Variants in STAG1 observed in about 807,000 individuals in gnomAD.
STAG1 encodes STAG1 cohesin complex component.
In STAG1, 26 loss-of-function variants were observed where a neutral mutation model predicts 170.9. That is an observed-to-expected ratio of 0.15 (90% CI 0.11 to 0.21). The LOEUF (loss-of-function observed/expected upper bound fraction) is 0.21. STAG1 is among the 10% of genes least tolerant of loss of function. The probability of loss-of-function intolerance (pLI) is 1.00; values close to 1 mark genes in which losing one functional copy is unlikely to be tolerated. For synonymous variants in STAG1, 514 were observed against 497.7 expected (o/e 1.03, Z -0.44); for missense variants, 964 against 1,509.5 (o/e 0.64, Z 5.99).
chr3:136,383,071 C>G (rs1055279574), intron 22 of STAG1, among the ~76,000 whole-genome samples: 1 of 152,046 alleles, frequency 6.6e-6, no homozygotes, highest in African/African-American at 2.4e-5. Context: ...TTATGATTCC[C>G]AAGACTGTGA....
intron 1 of STAG1, among the ~76,000 whole-genome samples, chr3:136,724,600 T>TA (rs58430366): frequency 0.43 from 44,749 of 104,538 alleles, 7,859 homozygotes; most frequent in African/African-American, 0.55. Flanking sequence ...GAATGATCAA[T>TA]AAAAAAAAAA....
intron 5 of STAG1, among the ~76,000 whole-genome samples, chr3:136,556,649 C>A (rs943503429): frequency 6.6e-6 from 1 of 151,872 alleles, no homozygotes; most frequent in Non-Finnish European, 1.5e-5. Context: ...ATGGTGTGAC[C>A]ACAGTTCACT....
rs929297118 is a variant in STAG1 at position 136,337,465 on chromosome 3, A to G, written c.*789T>C. The G allele has an allele frequency of 8.5e-5, 13 of 152,666 alleles. No individual in the cohort carries two copies. Among genetic ancestry groups the G allele is most frequent in the Non-Finnish European group, 8.8e-5 (6 of 68,044 alleles). The allele number at this position is 152,666 out of a possible 1,614,324, so 9.5% of individuals were successfully genotyped here. On this transcript the variant is annotated 3_prime_UTR_variant, in exon 34 of 34. Coordinates refer to ENST00000383202, the MANE Select transcript of STAG1 (RefSeq NM_005862.3). ...CTAAAAATGCACAGAACAAATACCAATAGAAAATGCACTGTATTTGAATCT... is the reference window on the plus strand; with the variant it reads ...CTAAAAATGCACAGAACAAATACCAGTAGAAAATGCACTGTATTTGAATCT...
At chr3:136,352,704 G>GT (rs1480517351) in intron 28 of STAG1, among the ~76,000 whole-genome samples, 4 of 151,966 alleles carry the variant, frequency 2.6e-5, no homozygotes, top group Non-Finnish European at 4.4e-5. Flanking sequence ...TGTACTTTCA[G>GT]TATAGTATTA....
chr3:136,466,083 A>G (rs1370717725), intron 12 of STAG1, among the ~76,000 whole-genome samples: 2 of 152,208 alleles, frequency 1.3e-5, no homozygotes, highest in Non-Finnish European at 2.9e-5. Context: ...GAAAATTCTA[A>G]AAATCAGATC....
At chr3:136,668,743 G>C (rs1348442664) in intron 1 of STAG1, among the ~76,000 whole-genome samples, 2 of 152,114 alleles carry the variant, frequency 1.3e-5, no homozygotes, top group African/African-American at 4.8e-5. Flanking sequence ...TCAGTCACTG[G>C]GAGGGAGCTG....
chr3:136,422,502 T>C lies in STAG1; in HGVS notation c.1945A>G (p.Thr649Ala). 6.2e-7 allele frequency: 1 copy of C among 1,614,082 alleles called. No individual in the cohort carries two copies. Among genetic ancestry groups the C allele is most frequent in the South Asian group, 1.1e-5 (1 of 91,076 alleles). ...GCTATGTCAACTCTGTTCTGGATGG[T>C]ATATTCTTCACTGCATAAGATACTA... ...TYSILCSEEY[T>A]IQNRVDIARS... The change falls in exon 19 of 34, where the codon ACC (threonine) becomes GCC (alanine). Residue 649 changes from threonine (T) to alanine (A), a missense_variant. By Grantham distance (58) the Thr-to-Ala change is moderately conservative (BLOSUM62 0). This residue lies in a region of STAG1 where 232 missense variants were observed against 313.0 expected (regional missense o/e 0.74). Transcript: ENST00000383202.
intron 5 of STAG1, among the ~76,000 whole-genome samples, chr3:136,551,260 A>AGG (rs1491406804): frequency 1.8e-5 from 2 of 112,820 alleles, no homozygotes; most frequent in East Asian, 2.8e-4. Context: ...AGAGAGAGAG[A>AGG]GGGAGAGCGA....
intron 1 of STAG1, among the ~76,000 whole-genome samples, chr3:136,741,150 T>A (rs1266599295): frequency 6.6e-6 from 1 of 152,216 alleles, no homozygotes; most frequent in African/African-American, 2.4e-5. Flanking sequence ...TGACCCATTA[T>A]AAAAGATCTG....
chr3:136,349,889 C>G (rs1936370330), intron 28 of STAG1, among the ~76,000 whole-genome samples: 1 of 152,178 alleles, frequency 6.6e-6, no homozygotes, highest in Non-Finnish European at 1.5e-5. Flanking sequence ...CACCGTGGCT[C>G]ACGCCTGTAA....
intron 9 of STAG1, chr3:136,499,850 T>C (rs1933374634): frequency 6.5e-6 from 1 of 153,616 alleles, no homozygotes. Context: ...AATTATTAAT[T>C]TGCCCATGGA....
chr3:136,544,486 T>C (rs1007567929), intron 5 of STAG1, among the ~76,000 whole-genome samples: 2 of 152,154 alleles, frequency 1.3e-5, no homozygotes, highest in African/African-American at 2.4e-5. Flanking sequence ...CTTTTGGCCA[T>C]GTGTGGTGGC....
Position 136,420,365 on chromosome 3 carries a change from A to G in STAG1, c.2108+728T>C, listed in dbSNP as rs1444836928. Among the ~76,000 whole-genome samples the G allele has an allele frequency of 4.6e-5, 7 of 152,214 alleles. No individual in the cohort carries two copies. The East Asian group carries it at 1.2e-3, about 25-fold the overall frequency. ...CTAAAATTCCCATTTTTTAAAAAAC[A>G]ACTATTTTGTTTTAATTGAGATAGG... is the stretch of plus-strand genomic sequence containing the variant. On this transcript the variant is annotated intron_variant, in intron 20 of 33. Coordinates refer to ENST00000383202, the MANE Select transcript of STAG1 (RefSeq NM_005862.3).
chr3:136,373,968 G>C (rs556962783), intron 23 of STAG1, among the ~76,000 whole-genome samples: 3,245 of 152,190 alleles, frequency 0.021, 58 homozygotes, highest in Non-Finnish European at 0.029. Flanking sequence ...ATTATTGTGT[G>C]GGAGTCTAAG....
At chr3:136,589,930 CA>C (rs948697075) in intron 4 of STAG1, among the ~76,000 whole-genome samples, 3 of 151,668 alleles carry the variant, frequency 2.0e-5, no homozygotes, top group African/African-American at 7.3e-5. Flanking sequence ...GATTCCATCT[CA>C]AAAAATAAAA....
intron 6 of STAG1, among the ~76,000 whole-genome samples, chr3:136,538,961 C>G (rs933047735): frequency 1.3e-5 from 2 of 151,866 alleles, no homozygotes; most frequent in African/African-American, 4.8e-5. Context: ...GGTGAAACCC[C>G]GTCTCTACTA....
chr3:136,460,284 A>T (rs975125292), intron 13 of STAG1, among the ~76,000 whole-genome samples: 7 of 152,196 alleles, frequency 4.6e-5, no homozygotes, highest in Middle Eastern at 3.2e-3. Flanking sequence ...GGACACATAC[A>T]ACCTAACATA....
intron 4 of STAG1, among the ~76,000 whole-genome samples, chr3:136,601,216 G>C (rs902815381): frequency 6.6e-6 from 1 of 151,914 alleles, no homozygotes; most frequent in Non-Finnish European, 1.5e-5. Context: ...ATAAAATCTA[G>C]TTAAATAAAC....
chr3:136,358,786 C>A (rs1425283559), intron 27 of STAG1, among the ~76,000 whole-genome samples: 1 of 152,064 alleles, frequency 6.6e-6, no homozygotes, highest in African/African-American at 2.4e-5. Context: ...ATTGCCCAGG[C>A]TAGTCTCGAA....
Sources: allele counts gnomAD v4.1 joint callset (sites outside exome capture counted in the v4.1 genomes callset), GRCh38; gene constraint gnomAD v4.1.1; regional missense constraint gnomAD v4.1.1; transcripts MANE v1.5; gene names NCBI Gene and HGNC (gene_info 2026-07-23, HGNC 2026-07-21).